Variants in SLC30A10 observed in about 807,000 individuals in gnomAD.
SLC30A10 encodes solute carrier family 30 member 10, also known as calcium/manganese antiporter SLC30A10.
SLC30A10 carries 8 observed loss-of-function variants against 21.7 expected under a neutral mutation model. The observed-to-expected ratio is 0.37, with a 90% CI of 0.22 to 0.67. SLC30A10 has a LOEUF of 0.67. Among genes scored for constraint, SLC30A10 ranks in the 30% least tolerant of loss-of-function variants. The pLI, the probability that SLC30A10 is intolerant of heterozygous loss-of-function variation, is 0.58. For synonymous variants in SLC30A10, 272 were observed against 279.4 expected, an observed-to-expected ratio of 0.97 and a Z score of 0.26; for missense variants, 521 against 642.5, an observed-to-expected ratio of 0.81 and a Z score of 2.04.
intron 1 of SLC30A10, 66 bp downstream of exon 1, chr1:219,927,735 A>G: frequency 7.2e-7 from 1 of 1,398,378 alleles, no homozygotes. Flanking sequence ...TGGGGTGAGA[A>G]GAAAGGGACC....
At chr1:219,942,870 C>T (rs1255532586) in intron 1 of SLC30A10, among the ~76,000 whole-genome samples, 1 of 152,100 alleles carries the variant, frequency 6.6e-6, no homozygotes. Flanking sequence ...CATGATAAAA[C>T]CCCATCTCTA....
At position 219,928,266 on chromosome 1, in the gene SLC30A10, A is replaced by T; in HGVS notation, c.175T>A (p.Tyr59Asn). ...CCCCGGGTGGGGCGCCGGGCGATGT[A>T]GCCGGCGCTCAGGCCCACGCACAGC... ...ISLCVGLSAG[Y>N]IARRPTRGFS... Residue 59 changes from tyrosine (Y) to asparagine (N), a missense_variant, in exon 1 of 4, where the codon TAC becomes AAC. Coordinates refer to ENST00000366926, the MANE Select transcript of SLC30A10 (RefSeq NM_018713.3). This position sits in a 1 kb window ranked among gnomAD's most constrained non-coding sequence, Gnocchi z 6.3. 1 of 1,593,042 alleles carries T rather than the reference A, an allele frequency of 6.3e-7. No individual in the cohort carries two copies. Among genetic ancestry groups the T allele is most frequent in the Non-Finnish European group, 8.5e-7 (1 of 1,170,958 alleles).
At position 219,927,956 on chromosome 1, in the gene SLC30A10, C is replaced by T. The variant is rs1330862242; in HGVS notation, c.485G>A (p.Cys162Tyr). 1 of 1,544,732 alleles carries T rather than the reference C, an allele frequency of 6.5e-7. No individual in the cohort carries two copies. Among genetic ancestry groups the T allele is most frequent in the Middle Eastern group, 1.7e-4 (1 of 5,944 alleles). ...LQQRQQLAEG[C>Y]VPGAFGGPQG... ...AGGCCCCCCGAAAGCGCCGGGGACACAGCCCTCCGCCAGCTGCTGCCGCTG... is the reference window on the plus strand; with the variant it reads ...AGGCCCCCCGAAAGCGCCGGGGACATAGCCCTCCGCCAGCTGCTGCCGCTG... Residue 162 changes from cysteine to tyrosine, a missense_variant, in exon 1 of 4, where the codon TGT (cysteine) becomes TAT (tyrosine). Transcript: ENST00000366926.
chr1:219,925,470 G>T (rs892421474), intron 2 of SLC30A10, among the ~76,000 whole-genome samples: 1 of 150,850 alleles, frequency 6.6e-6, no homozygotes, highest in Non-Finnish European at 1.5e-5. Flanking sequence ...GTAGGCAGAG[G>T]TTGCAGTGAG....
intron 2 of SLC30A10, among the ~76,000 whole-genome samples, chr1:219,921,907 A>AGAGAGAGAG (rs1659687168): frequency 1.5e-5 from 1 of 65,982 alleles, no homozygotes; most frequent in African/African-American, 7.8e-5. Flanking sequence ...GTGTGTGTGA[A>AGAGAGAGAG]AGAGAGAGAG....
chr1:219,930,836 TA>T (rs1023401429), upstream of SLC30A10, among the ~76,000 whole-genome samples: 4 of 152,224 alleles, frequency 2.6e-5, no homozygotes, highest in Non-Finnish European at 5.9e-5. Flanking sequence ...AATGAGTTAA[TA>T]TGTGTAAAAT....
intron 1 of SLC30A10, among the ~76,000 whole-genome samples, chr1:219,934,888 G>A (rs887692583): frequency 5.3e-5 from 8 of 152,158 alleles, no homozygotes; most frequent in Non-Finnish European, 1.0e-4. Context: ...CCCCAGAGAC[G>A]CACTCATAGA....
intron 2 of SLC30A10, among the ~76,000 whole-genome samples, chr1:219,925,043 C>G (rs922206983): frequency 6.6e-6 from 1 of 152,142 alleles, no homozygotes; most frequent in Non-Finnish European, 1.5e-5. Context: ...CCCTGTAAAC[C>G]AAAGGCCCAG....
chr1:219,944,730 A>G (rs1309044237), intron 1 of SLC30A10, among the ~76,000 whole-genome samples: 1 of 152,226 alleles, frequency 6.6e-6, no homozygotes, highest in African/African-American at 2.4e-5. Flanking sequence ...ACAAAGCTCT[A>G]TAAAGACATA....
At chr1:219,920,796 C>A (rs1346009936) in intron 2 of SLC30A10, among the ~76,000 whole-genome samples, 2 of 152,182 alleles carry the variant, frequency 1.3e-5, no homozygotes, top group African/African-American at 4.8e-5. Flanking sequence ...ATGTGAATTA[C>A]AGGGCCTGAG....
At position 219,928,541 on chromosome 1, in the gene SLC30A10, T is replaced by G; in HGVS notation, c.-101A>C. On this transcript the variant is annotated 5_prime_UTR_variant, in exon 1 of 4. Transcript: ENST00000366926. The surrounding 1 kb of genome is among the most constrained non-coding windows in gnomAD (Gnocchi z 6.3). ...CGCGGCGCGGATCCGTGAGGCCCGG[T>G]ACCCGCCTCCCAGATTGTCTCGCCG... 1 of 1,112,988 alleles carries G rather than the reference T, an allele frequency of 9.0e-7. No homozygotes were observed. The highest frequency in any genetic ancestry group is 1.2e-6 in the Non-Finnish European group (1 of 839,590). The allele number at this position is 1,112,988 out of a possible 1,614,324, so 68.9% of individuals were successfully genotyped here. A position where few individuals can be genotyped will look rare whatever the true frequency, so the allele number is the denominator to read the frequency against.
intron 3 of SLC30A10, among the ~76,000 whole-genome samples, chr1:219,916,757 AG>A (rs1314081269): frequency 6.6e-6 from 1 of 152,212 alleles, no homozygotes; most frequent in Admixed American, 6.5e-5. Context: ...ATCCTAGTTT[AG>A]ACATTTACTA....
At chr1:219,923,922 G>A (rs370835595) in intron 2 of SLC30A10, among the ~76,000 whole-genome samples, 2 of 152,150 alleles carry the variant, frequency 1.3e-5, no homozygotes, top group East Asian at 3.9e-4. Context: ...AATTAGCCGG[G>A]TGCAGTGGCG....
At chr1:219,922,585 G>C (rs572214123) in intron 2 of SLC30A10, among the ~76,000 whole-genome samples, 4 of 152,264 alleles carry the variant, frequency 2.6e-5, no homozygotes, top group Middle Eastern at 3.4e-3. Flanking sequence ...CCCTGACGCT[G>C]TTGCTATGAG....
intron 1 of SLC30A10, among the ~76,000 whole-genome samples, chr1:219,949,605 T>TG: frequency 6.6e-6 from 1 of 151,828 alleles, no homozygotes; most frequent in East Asian, 1.9e-4. Flanking sequence ...TGGGGACTGT[T>TG]GGGGGGAGCG....
At chr1:219,954,451 G>A (rs932252121) in intron 1 of SLC30A10, among the ~76,000 whole-genome samples, 3 of 151,890 alleles carry the variant, frequency 2.0e-5, no homozygotes, top group East Asian at 1.9e-4. Flanking sequence ...AGGCTGAGGC[G>A]GGTGGATCAC....
At chr1:219,951,368 A>G (rs775234866) in intron 1 of SLC30A10, among the ~76,000 whole-genome samples, 5 of 152,106 alleles carry the variant, frequency 3.3e-5, no homozygotes, top group Non-Finnish European at 5.9e-5. Flanking sequence ...ACGTTCCAGA[A>G]CATGTATTTT....
intron 2 of SLC30A10, among the ~76,000 whole-genome samples, chr1:219,922,176 G>GTTTT (rs869249213): frequency 4.1e-4 from 15 of 36,444 alleles, no homozygotes; most frequent in South Asian, 1.2e-3. Context: ...GTGTGTGTGT[G>GTTTT]TTTTTTTTTT....
chr1:219,956,395 T>C (rs1379556385), intron 1 of SLC30A10, among the ~76,000 whole-genome samples: 1 of 152,192 alleles, frequency 6.6e-6, no homozygotes, highest in Admixed American at 6.5e-5. Context: ...AATGGTAACA[T>C]AGAACATGGA....
Sources: allele counts gnomAD v4.1 joint callset (sites outside exome capture counted in the v4.1 genomes callset), GRCh38; gene constraint gnomAD v4.1.1; non-coding constraint Gnocchi (gnomAD v3.1); transcripts MANE v1.5; gene names NCBI Gene and HGNC (gene_info 2026-07-23, HGNC 2026-07-21).